Variants in ZCWPW2 observed in about 807,000 individuals in gnomAD.
ZCWPW2 encodes the protein zinc finger CW-type PWWP domain protein 2.
Under a neutral mutation model 46.6 loss-of-function variants are expected in ZCWPW2, and 45 were observed. The observed-to-expected ratio is 0.96, with a 90% CI of 0.76 to 1.24. The LOEUF is 1.24. ZCWPW2 is among the 50% of genes most tolerant of loss of function. The pLI, the probability that ZCWPW2 is intolerant of heterozygous loss-of-function variation, is 0.00. For missense variants in ZCWPW2, 429 were observed against 403.9 expected, an observed-to-expected ratio of 1.06 and a Z score of -0.53; for synonymous variants, 152 against 137.1, an observed-to-expected ratio of 1.11 and a Z score of -0.76.
chr3:28,474,063 G>A (rs1444628659), intron 4 of ZCWPW2, among the ~76,000 whole-genome samples: 2 of 152,050 alleles, frequency 1.3e-5, no homozygotes, highest in Middle Eastern at 3.2e-3. Flanking sequence ...TGCTAGAGGC[G>A]TTAGCTACCC....
In ZCWPW2 at chr3:28,414,105, C is replaced by G. The variant is rs565332047; in HGVS notation, c.332+705C>G. On this transcript the variant is annotated intron_variant, in intron 3 of 9. Transcript: ENST00000383768. ...CTATTATATTTGTTCTGTTGCATTG[C>G]TTTGATTTTCTTATTTTAGGATTTT... is the stretch of plus-strand genomic sequence containing the variant. Among the ~76,000 whole-genome samples the G allele has an allele frequency of 2.0e-5, 3 of 151,882 alleles. No individual in the cohort carries two copies. In the East Asian group the frequency reaches 5.8e-4, roughly 29 times the overall value.
At chr3:28,407,057 G>A (rs1696194207) in intron 2 of ZCWPW2, among the ~76,000 whole-genome samples, 1 of 151,988 alleles carries the variant, frequency 6.6e-6, no homozygotes, top group African/African-American at 2.4e-5. Flanking sequence ...AAACTCCTGG[G>A]CACAAGTGAT....
At chr3:28,447,575 C>A (rs1698043213) in intron 4 of ZCWPW2, 2 of 187,614 alleles carry the variant, frequency 1.1e-5, no homozygotes, top group Non-Finnish European at 2.3e-5. Context: ...GGATTAAAAG[C>A]TTTTCTTCTG....
At chr3:28,462,031 G>C (rs1698657323) in intron 4 of ZCWPW2, among the ~76,000 whole-genome samples, 1 of 152,144 alleles carries the variant, frequency 6.6e-6, no homozygotes, top group South Asian at 2.1e-4. Flanking sequence ...AAAGTAGTCA[G>C]GCCCCTTACA....
chr3:28,416,933 G>T (rs1404085076), intron 3 of ZCWPW2, among the ~76,000 whole-genome samples: 1 of 144,756 alleles, frequency 6.9e-6, no homozygotes, highest in Admixed American at 7.1e-5. Context: ...TTTTATTGAG[G>T]ATTTCTGCAT....
chr3:28,360,349 C>CAAAAATAA (rs1704891908), intron 1 of ZCWPW2, among the ~76,000 whole-genome samples: 1 of 53,926 alleles, frequency 1.9e-5, no homozygotes, highest in African/African-American at 7.1e-5. Flanking sequence ...ACTAAAAATA[C>CAAAAATAA]AAAAAAAAAA....
chr3:28,461,723 G>A (rs139508272), intron 4 of ZCWPW2: 1 of 151,966 alleles, frequency 6.6e-6, no homozygotes, highest in Admixed American at 6.6e-5. Context: ...AGACCAAATT[G>A]AATGCCCTCA....
At chr3:28,474,903 A>T (rs987419307) in intron 4 of ZCWPW2, among the ~76,000 whole-genome samples, 2 of 152,002 alleles carry the variant, frequency 1.3e-5, no homozygotes, top group African/African-American at 2.4e-5. Flanking sequence ...ATCTCGGCTC[A>T]CTGCAACCTC....
intron 1 of ZCWPW2, among the ~76,000 whole-genome samples, chr3:28,388,330 C>G (rs1467046095): frequency 6.6e-6 from 1 of 152,090 alleles, no homozygotes; most frequent in Non-Finnish European, 1.5e-5. Flanking sequence ...ACAAGTCCCC[C>G]CCTTGTCAAC....
chr3:28,510,987 T>A (rs767431345), intron 6 of ZCWPW2: 4 of 449,406 alleles, frequency 8.9e-6, no homozygotes, highest in South Asian at 6.3e-5. Flanking sequence ...ACCTGGTAGC[T>A]ACATTCTGGA....
At chr3:28,467,086 A>G (rs1338866967) in intron 4 of ZCWPW2, among the ~76,000 whole-genome samples, 1 of 152,318 alleles carries the variant, frequency 6.6e-6, no homozygotes, top group South Asian at 2.1e-4. Flanking sequence ...ATAGAAATAT[A>G]TAGAAATTCC....
At chr3:28,382,672 A>G (rs1347980662) in intron 1 of ZCWPW2, among the ~76,000 whole-genome samples, 1 of 152,172 alleles carries the variant, frequency 6.6e-6, no homozygotes, top group African/African-American at 2.4e-5. Flanking sequence ...AATCTAGTTT[A>G]ATAAAAGAGA....
chr3:28,367,422 C>T (rs1317826693), intron 1 of ZCWPW2, among the ~76,000 whole-genome samples: 1 of 152,190 alleles, frequency 6.6e-6, no homozygotes, highest in African/African-American at 2.4e-5. Context: ...CATTCAGGAG[C>T]AGGTTGTTCA....
At chr3:28,453,957 G>T (rs1025576865) in intron 4 of ZCWPW2, among the ~76,000 whole-genome samples, 7 of 151,344 alleles carry the variant, frequency 4.6e-5, no homozygotes, top group Admixed American at 1.3e-4. Context: ...CCATTCACCT[G>T]CCTCAGCCTC....
intron 5 of ZCWPW2, among the ~76,000 whole-genome samples, chr3:28,481,631 T>C (rs1304916786): frequency 6.6e-6 from 1 of 152,208 alleles, no homozygotes; most frequent in African/African-American, 2.4e-5. Context: ...CTTTAAGTTC[T>C]AAACAGATTA....
chr3:28,518,094 C>T (rs1700622725), intron 8 of ZCWPW2, among the ~76,000 whole-genome samples: 1 of 146,644 alleles, frequency 6.8e-6, no homozygotes, highest in Non-Finnish European at 1.5e-5. Context: ...CAAGGTTGTG[C>T]CACTGCACTC....
chr3:28,413,587 G>A (rs1048208918), intron 3 of ZCWPW2, among the ~76,000 whole-genome samples, 187 bp downstream of exon 3: 5 of 151,678 alleles, frequency 3.3e-5, no homozygotes, highest in Non-Finnish European at 1.5e-5. Context: ...AACTGAATTC[G>A]AATCTTATTT....
chr3:28,375,224 G>T (rs1705464459), intron 1 of ZCWPW2, among the ~76,000 whole-genome samples: 1 of 150,108 alleles, frequency 6.7e-6, no homozygotes. Flanking sequence ...CCTTCACTTT[G>T]TCTATGTGTC....
chr3:28,461,193 T>C (rs945942173), intron 4 of ZCWPW2: 1 of 158,014 alleles, frequency 6.3e-6, no homozygotes, highest in African/African-American at 2.4e-5. Context: ...AGCTTTAATA[T>C]TGATATTTGA....
Sources: gnomAD v4.1 joint callset for allele counts (sites outside exome capture counted in the v4.1 genomes callset) on GRCh38, gnomAD v4.1.1 for gene constraint, MANE v1.5 for transcripts, NCBI Gene and HGNC (gene_info 2026-07-23, HGNC 2026-07-21) for gene names.